ERP44: variants seen among roughly 807,000 people sequenced by gnomAD.
ERP44 encodes endoplasmic reticulum protein 44, also known as endoplasmic reticulum resident protein 44.
ERP44 carries 25 observed loss-of-function variants against 53.4 expected under a neutral mutation model. That is an observed-to-expected ratio of 0.47 (90% CI 0.34 to 0.65). The LOEUF is 0.65. Among genes scored for constraint, ERP44 ranks in the 30% least tolerant of loss-of-function variants. ERP44 has a pLI of 0.01. For missense variants in ERP44, 338 were observed against 493.2 expected, an observed-to-expected ratio of 0.69 and a Z score of 2.98; for synonymous variants, 145 against 161.2, an observed-to-expected ratio of 0.90 and a Z score of 0.76.
At position 100,098,908 on chromosome 9, in the gene ERP44, A is replaced by C; in HGVS notation, c.-68T>G. ...GGACTGGGCTAGGTTGGGTTGGGTT[A>C]GGAAAGGGCTGGGCTCCGGGAGCCG... On this transcript the variant is annotated 5_prime_UTR_variant, in exon 1 of 12. Transcript: ENST00000262455. 2.9e-6 allele frequency: 4 copies of C among 1,372,322 alleles called. No homozygotes were observed. Among genetic ancestry groups the C allele is most frequent in the Non-Finnish European group, 4.1e-6 (4 of 967,002 alleles). 85.0% of individuals were successfully genotyped at this position (1,372,322 alleles called of 1,614,324 possible).
intron 4 of ERP44, among the ~76,000 whole-genome samples, chr9:100,044,087 T>C (rs898744945): frequency 6.6e-6 from 1 of 152,236 alleles, no homozygotes; most frequent in Non-Finnish European, 1.5e-5. Flanking sequence ...CATAAAATTT[T>C]GCCTTACGAT....
chr9:100,097,176 A>T (rs1826643153), intron 1 of ERP44, among the ~76,000 whole-genome samples: 1 of 152,130 alleles, frequency 6.6e-6, no homozygotes, highest in South Asian at 2.1e-4. Flanking sequence ...TTGGGAAAAA[A>T]CTCATATTTA....
At chr9:100,001,184 C>T (rs1346841329) in intron 10 of ERP44, among the ~76,000 whole-genome samples, 1 of 152,172 alleles carries the variant, frequency 6.6e-6, no homozygotes, top group Non-Finnish European at 1.5e-5. Context: ...TTTCTAGCTT[C>T]ATACCATTGT....
At chr9:100,031,496 G>A (rs1825789609) in intron 4 of ERP44, among the ~76,000 whole-genome samples, 1 of 152,142 alleles carries the variant, frequency 6.6e-6, no homozygotes, top group South Asian at 2.1e-4. Context: ...CTGGCTTAGG[G>A]AATAAGTCCT....
intron 1 of ERP44, among the ~76,000 whole-genome samples, chr9:100,067,607 C>T (rs1486334870): frequency 6.6e-6 from 1 of 152,120 alleles, no homozygotes; most frequent in Non-Finnish European, 1.5e-5. Context: ...TCTGCCCGGC[C>T]GCCACCCCGT....
chr9:100,059,929 T>C (rs1455436509), intron 2 of ERP44, among the ~76,000 whole-genome samples, 171 bp downstream of exon 2: 1 of 152,072 alleles, frequency 6.6e-6, no homozygotes, highest in East Asian at 1.9e-4. Flanking sequence ...TAAAAAACAC[T>C]AAAAGTAACC....
chr9:100,089,580 CA>C (rs71498726), intron 1 of ERP44, among the ~76,000 whole-genome samples: 968 of 43,552 alleles, frequency 0.022, 1 homozygote, highest in Non-Finnish European at 0.025. Flanking sequence ...GACTCCATCT[CA>C]AAAAAAAAAA....
chr9:99,995,343 T>C (rs893882979), intron 10 of ERP44, among the ~76,000 whole-genome samples: 1 of 152,348 alleles, frequency 6.6e-6, no homozygotes, highest in South Asian at 2.1e-4. Context: ...TTTATTTTCT[T>C]GTTCTGCTAG....
At chr9:100,006,381 C>T (rs1830425560) in intron 10 of ERP44, 125 bp downstream of exon 10, 1 of 696,484 alleles carries the variant, frequency 1.4e-6, no homozygotes, top group African/African-American at 1.8e-5. Context: ...ACCCAAACCT[C>T]TCCCATCCAG....
intron 8 of ERP44, among the ~76,000 whole-genome samples, chr9:100,010,888 C>T (rs868049094): frequency 1.9e-4 from 24 of 129,562 alleles, no homozygotes; most frequent in Middle Eastern, 5.0e-3. Context: ...GCGACAAGAG[C>T]GAAACTCCAT....
intron 3 of ERP44, among the ~76,000 whole-genome samples, chr9:100,056,809 T>A (rs1006344856): frequency 2.6e-5 from 4 of 152,062 alleles, no homozygotes; most frequent in Admixed American, 6.6e-5. Flanking sequence ...GAGCAGAATG[T>A]GGAAGTGGAG....
At chr9:100,065,734 A>C (rs925646782) in intron 1 of ERP44, among the ~76,000 whole-genome samples, 7 of 152,354 alleles carry the variant, frequency 4.6e-5, no homozygotes, top group African/African-American at 1.7e-4. Flanking sequence ...CTATAATTTA[A>C]GGTTTTTAAT....
At position 99,980,019 on chromosome 9, in the gene ERP44, T is replaced by C; in HGVS notation, c.*2593A>G. ...AAATGCCTTACTAAAAGAACTTTTT[T>C]CTCTAATGCATTAGGCTGTTTCATA... On this transcript the variant is annotated 3_prime_UTR_variant, in exon 12 of 12. Transcript: ENST00000262455. 1 of 398,562 alleles carries C rather than the reference T, an allele frequency of 2.5e-6. No homozygotes were observed. The highest frequency in any genetic ancestry group is 4.4e-6 in the Non-Finnish European group (1 of 226,030). 24.7% of individuals were successfully genotyped at this position (398,562 alleles called of 1,614,324 possible).
At chr9:100,051,211 C>A (rs189885199) in intron 4 of ERP44, among the ~76,000 whole-genome samples, 93 of 152,172 alleles carry the variant, frequency 6.1e-4, no homozygotes, top group Middle Eastern at 3.4e-3. Context: ...TGCTGCCTAG[C>A]GCAAAGCTAT....
intron 10 of ERP44, among the ~76,000 whole-genome samples, chr9:99,990,694 G>A (rs1345397128): frequency 1.3e-5 from 2 of 152,148 alleles, no homozygotes; most frequent in East Asian, 3.8e-4. Flanking sequence ...TGGGCTAAAT[G>A]CCCCAATTAA....
chr9:100,079,413 TACACACACACACACAC>T lies in ERP44; in HGVS notation c.58-19257_58-19242del, dbSNP rs58110423. ...TAATGCTCCTTAATAAACTCCCCTTTACACACACACACACACACACACACACACACACACACACACA... is the reference window on the plus strand; with the variant it reads ...TAATGCTCCTTAATAAACTCCCCTTTACACACACACACACACACACACACA... On this transcript the variant is annotated intron_variant, in intron 1 of 11. Transcript: ENST00000262455. 2.8e-4 allele frequency among the ~76,000 whole-genome samples: 38 copies of T among 137,356 alleles called. No individual in the cohort carries two copies. In the Middle Eastern group the frequency reaches 0.011, roughly 40 times the overall value. 90.1% of individuals were successfully genotyped at this position (137,356 alleles called of 152,430 possible).
At position 100,029,968 on chromosome 9, in the gene ERP44, G is replaced by C. The variant is rs1587968337; in HGVS notation, c.287-7742C>G. Among the ~76,000 whole-genome samples, 3 of 152,034 alleles carry C rather than the reference G, an allele frequency of 2.0e-5. No individual in the cohort carries two copies. The South Asian group carries it at 6.2e-4, about 32-fold the overall frequency. ...CCGGGCGTGGTGGTGCGCACCTGTA[G>C]TTCCAGCTACTCAGGAGGCTGAGGC... On this transcript the variant is annotated intron_variant, in intron 4 of 11. Coordinates refer to ENST00000262455, the MANE Select transcript of ERP44 (RefSeq NM_015051.3).
intron 4 of ERP44, among the ~76,000 whole-genome samples, chr9:100,044,822 A>C (rs1413104702): frequency 6.6e-6 from 1 of 152,180 alleles, no homozygotes; most frequent in East Asian, 1.9e-4. Context: ...AAAATTTCAA[A>C]CTTACCAAAA....
At chr9:100,090,577 C>T (rs1343104342) in intron 1 of ERP44, among the ~76,000 whole-genome samples, 5 of 151,866 alleles carry the variant, frequency 3.3e-5, no homozygotes, top group South Asian at 2.1e-4. Flanking sequence ...GGTGAAACCC[C>T]GTCTCTACTA....
Sources: gnomAD v4.1 joint callset for allele counts (sites outside exome capture counted in the v4.1 genomes callset) on GRCh38, gnomAD v4.1.1 for gene constraint, MANE v1.5 for transcripts, NCBI Gene and HGNC (gene_info 2026-07-23, HGNC 2026-07-21) for gene names.